The following CFAP52 variants were observed in gnomAD, a reference collection of about 807,000 sequenced individuals.
CFAP52 encodes the protein cilia- and flagella-associated protein 52.
In CFAP52, 57 loss-of-function variants were observed where a neutral mutation model predicts 70.5. The observed-to-expected ratio is 0.81, with a 90% CI of 0.65 to 1.01. The LOEUF (loss-of-function observed/expected upper bound fraction) is 1.01. Ranked by LOEUF, CFAP52 falls within the 50% of genes least tolerant of loss-of-function variation. The probability of loss-of-function intolerance (pLI) is 0.00; values close to 1 mark genes in which losing one functional copy is unlikely to be tolerated. For missense variants in CFAP52, 785 were observed against 788.5 expected, an observed-to-expected ratio of 1.00 and a Z score of 0.05; for synonymous variants, 267 against 292.5, an observed-to-expected ratio of 0.91 and a Z score of 0.89.
At chr17:9,615,070 G>A (rs1909854043) in intron 8 of CFAP52, among the ~76,000 whole-genome samples, 1 of 152,208 alleles carries the variant, frequency 6.6e-6, no homozygotes, top group Admixed American at 6.5e-5. Context: ...GGAGATTTAA[G>A]AAGACTTGAG....
chr17:9,607,260 C>T (rs1253139895), intron 6 of CFAP52, among the ~76,000 whole-genome samples: 2 of 152,152 alleles, frequency 1.3e-5, no homozygotes, highest in East Asian at 1.9e-4. Flanking sequence ...TCACAAGAAT[C>T]GCTTGAACTT....
intron 8 of CFAP52, among the ~76,000 whole-genome samples, chr17:9,614,494 T>G (rs1909834544): frequency 6.6e-6 from 1 of 152,214 alleles, no homozygotes; most frequent in Admixed American, 6.5e-5. Context: ...TTACTTAGTC[T>G]GATATTAAGA....
In CFAP52 at chr17:9,586,105, T is replaced by C. The variant is rs1424183068; in HGVS notation, c.270+133T>C. ...CCTTCTTCTTCTTTTTGACTTCTCT[T>C]TTAACCCATTTTCATTCCGTCAGAC... On this transcript the variant is annotated intron_variant, in intron 2 of 13. Coordinates refer to ENST00000352665, the MANE Select transcript of CFAP52 (RefSeq NM_145054.5). 3 of 930,790 alleles carry C rather than the reference T, an allele frequency of 3.2e-6. No homozygotes were observed. In the African/African-American group the frequency reaches 5.0e-5, roughly 16 times the overall value. The allele number at this position is 930,790 out of a possible 1,614,324, so 57.7% of individuals were successfully genotyped here. A position where few individuals can be genotyped will look rare whatever the true frequency, so the allele number is the denominator to read the frequency against.
intron 10 of CFAP52, among the ~76,000 whole-genome samples, chr17:9,634,924 A>G (rs961391383): frequency 6.6e-6 from 1 of 152,226 alleles, no homozygotes; most frequent in African/African-American, 2.4e-5. Context: ...TATTTGTGAT[A>G]TAAAATAGGT....
chr17:9,631,067 A>G lies in CFAP52; in HGVS notation c.1175-1821A>G, dbSNP rs1168548803. Among the ~76,000 whole-genome samples, 16 of 126,658 alleles carry G rather than the reference A, an allele frequency of 1.3e-4. 1 individual carries two copies. Among genetic ancestry groups the G allele is most frequent in the African/African-American group, 5.0e-4 (15 of 30,202 alleles). The allele number at this position is 126,658 out of a possible 152,430, so 83.1% of individuals were successfully genotyped here. On this transcript the variant is annotated intron_variant, in intron 9 of 13. Transcript: ENST00000352665. ...GAGAGAGAGAGAGAAAGAAAGAAAGAAAGAAAGAAAGAAAGAGAAAGAAAG... is the reference window on the plus strand; with the variant it reads ...GAGAGAGAGAGAGAAAGAAAGAAAGGAAGAAAGAAAGAAAGAGAAAGAAAG...
At chr17:9,611,689 A>T (rs1440964432) in intron 7 of CFAP52, among the ~76,000 whole-genome samples, 2 of 152,196 alleles carry the variant, frequency 1.3e-5, no homozygotes, top group Admixed American at 6.6e-5. Flanking sequence ...CTTATAAATA[A>T]AATGTTGTAT....
chr17:9,584,342 T>C, intron 1 of CFAP52: 1 of 1,290,574 alleles, frequency 7.7e-7, no homozygotes, highest in Middle Eastern at 2.1e-4. Context: ...GGTGTCACCA[T>C]GAAAGGTCCC....
At chr17:9,586,392 C>T (rs1431102130) in intron 2 of CFAP52, among the ~76,000 whole-genome samples, 1 of 151,812 alleles carries the variant, frequency 6.6e-6, no homozygotes, top group African/African-American at 2.4e-5. Context: ...GGTGAAACCC[C>T]ATCTCTACTA....
chr17:9,616,646 A>G (rs1422061054), intron 8 of CFAP52, among the ~76,000 whole-genome samples: 4 of 150,592 alleles, frequency 2.7e-5, no homozygotes, highest in Non-Finnish European at 5.9e-5. Flanking sequence ...ACTCAGCTGG[A>G]GATCTGAGAA....
chr17:9,591,178 C>G (rs550824222), intron 3 of CFAP52, among the ~76,000 whole-genome samples: 1 of 150,984 alleles, frequency 6.6e-6, no homozygotes, highest in Non-Finnish European at 1.5e-5. Flanking sequence ...GCTGGGATTA[C>G]AGGCATGCAC....
intron 6 of CFAP52, among the ~76,000 whole-genome samples, chr17:9,601,620 C>T (rs906050550): frequency 2.6e-5 from 4 of 152,096 alleles, no homozygotes; most frequent in African/African-American, 7.2e-5. Context: ...CATTATAAGT[C>T]GTGAGCAAGA....
intron 8 of CFAP52, 80 bp from the exon 9 acceptor site, chr17:9,628,592 G>A: frequency 6.5e-7 from 1 of 1,541,640 alleles, no homozygotes; most frequent in Non-Finnish European, 8.8e-7. Context: ...CTATATTTTT[G>A]TGAAACACAT....
intron 6 of CFAP52, among the ~76,000 whole-genome samples, chr17:9,600,921 TC>T (rs1486849666): frequency 1.3e-5 from 2 of 152,092 alleles, no homozygotes; most frequent in Admixed American, 1.3e-4. Context: ...TTTCTAGGTG[TC>T]CTGAATTAGG....
intron 9 of CFAP52, among the ~76,000 whole-genome samples, chr17:9,630,378 A>G (rs1161547795): frequency 6.7e-6 from 1 of 149,400 alleles, no homozygotes; most frequent in Non-Finnish European, 1.5e-5. Flanking sequence ...CCTGATTTAC[A>G]TAGCTGTGAT....
intron 8 of CFAP52, among the ~76,000 whole-genome samples, chr17:9,622,556 A>T (rs1910082588): frequency 1.3e-5 from 2 of 149,874 alleles, no homozygotes; most frequent in African/African-American, 4.9e-5. Flanking sequence ...AAAAAAAAAG[A>T]AGAAGAAGAA....
intron 4 of CFAP52, among the ~76,000 whole-genome samples, chr17:9,596,051 A>ATGTGTG (rs10699113): frequency 0.12 from 9,195 of 76,718 alleles, 905 homozygotes; most frequent in Non-Finnish European, 0.15. Flanking sequence ...GTAGATATAT[A>ATGTGTG]TGTGTGTGTA....
intron 7 of CFAP52, 108 bp from the exon 8 acceptor site, chr17:9,612,201 C>A: frequency 1.5e-6 from 2 of 1,366,424 alleles, no homozygotes; most frequent in East Asian, 2.3e-5. Context: ...TCTGTGAGGG[C>A]GTGTCTGAAA....
intron 6 of CFAP52, 85 bp from the exon 7 acceptor site, chr17:9,608,034 G>T: frequency 1.0e-6 from 1 of 986,544 alleles, no homozygotes; most frequent in East Asian, 2.6e-5. Flanking sequence ...TTGGGGAACA[G>T]GTGGTATTTG....
rs1363277356 is a variant in CFAP52 at position 9,585,794 on chromosome 17, A to G, written c.92A>G (p.Lys31Arg). ...TTAGGACATGTGCCCACTGGTCTCA[A>G]ATGCCATCCTGACCAGGAGCATATG... ...GFNGHVPTGL[K>R]CHPDQEHMIY... is the part of the protein sequence containing the mutation. Residue 31 changes from lysine (K) to arginine (R), a missense_variant, in exon 2 of 14, where the codon AAA becomes AGA. Lys to Arg is a conservative substitution (Grantham distance 26). Transcript: ENST00000352665. 1.9e-6 allele frequency: 3 copies of G among 1,614,070 alleles called. No homozygotes were observed. The highest frequency in any genetic ancestry group is 3.3e-5 in the Admixed American group (2 of 59,996).
Sources: allele counts gnomAD v4.1 joint callset (sites outside exome capture counted in the v4.1 genomes callset), GRCh38; gene constraint gnomAD v4.1.1; transcripts MANE v1.5; gene names NCBI Gene and HGNC (gene_info 2026-07-23, HGNC 2026-07-21).